NUBPL: variants seen among roughly 807,000 people sequenced by gnomAD.
NUBPL encodes the protein iron-sulfur cluster transfer protein NUBPL.
In NUBPL, 31 loss-of-function variants were observed where a neutral mutation model predicts 45.7. That is an observed-to-expected ratio of 0.68 (90% CI 0.51 to 0.92). The LOEUF (loss-of-function observed/expected upper bound fraction) is 0.92. Among genes scored for constraint, NUBPL ranks in the 40% least tolerant of loss-of-function variants. The probability of loss-of-function intolerance (pLI) is 0.00; values close to 1 mark genes in which losing one functional copy is unlikely to be tolerated. For missense variants in NUBPL, 401 were observed against 398.7 expected, an observed-to-expected ratio of 1.01 and a Z score of -0.05; for synonymous variants, 144 against 140.9, an observed-to-expected ratio of 1.02 and a Z score of -0.15.
rs116466711 is a variant in NUBPL at position 31,672,970 on chromosome 14, G to T, written c.383-385G>T. ...TCCTGGAAGGATGGACGGGCAAAGGGGAGATGTTAGTCAAGTAGTGCGAAG... is the reference window on the plus strand; with the variant it reads ...TCCTGGAAGGATGGACGGGCAAAGGTGAGATGTTAGTCAAGTAGTGCGAAG... On this transcript the variant is annotated intron_variant, in intron 4 of 10. Transcript: ENST00000281081. 1.6e-3 allele frequency among the ~76,000 whole-genome samples: 251 copies of T among 152,288 alleles called. 1 individual carries two copies. The highest frequency in any genetic ancestry group is 5.5e-3 in the African/African-American group (230 of 41,566).
intron 4 of NUBPL, among the ~76,000 whole-genome samples, chr14:31,663,993 A>G (rs1163581971): frequency 1.3e-5 from 2 of 152,014 alleles, no homozygotes; most frequent in Non-Finnish European, 2.9e-5. Flanking sequence ...TATGTTCTTT[A>G]TAGCAATTAT....
chr14:31,727,519 C>G (rs2037952254), intron 6 of NUBPL, among the ~76,000 whole-genome samples: 1 of 152,082 alleles, frequency 6.6e-6, no homozygotes, highest in African/African-American at 2.4e-5. Context: ...ATCAAAGATT[C>G]TAGAAGCAGG....
At chr14:31,621,662 T>C (rs2035066530) in intron 4 of NUBPL, among the ~76,000 whole-genome samples, 1 of 152,146 alleles carries the variant, frequency 6.6e-6, no homozygotes. Flanking sequence ...GGTACCTCAG[T>C]TGGAAATGCA....
intron 6 of NUBPL, among the ~76,000 whole-genome samples, chr14:31,721,944 G>T (rs775481949): frequency 3.9e-5 from 6 of 152,134 alleles, no homozygotes; most frequent in Non-Finnish European, 7.4e-5. Context: ...CAAAATACAT[G>T]ACCTCATTCT....
rs552109078 is a variant in NUBPL at position 31,666,438 on chromosome 14, T to C, written c.383-6917T>C. Among the ~76,000 whole-genome samples, 26 of 151,610 alleles carry C rather than the reference T, an allele frequency of 1.7e-4. No homozygotes were observed. The South Asian group carries it at 5.2e-3, about 30-fold the overall frequency. On this transcript the variant is annotated intron_variant, in intron 4 of 10. Coordinates refer to ENST00000281081, the MANE Select transcript of NUBPL (RefSeq NM_025152.3). Reference sequence around the variant, plus strand: ...CACCACCATGCCTGGCTAATTTTTATATTCTTAGTAGAGACAGGGTTTGAC... The same window carrying C: ...CACCACCATGCCTGGCTAATTTTTACATTCTTAGTAGAGACAGGGTTTGAC...
intron 6 of NUBPL, among the ~76,000 whole-genome samples, chr14:31,691,188 C>G (rs1270511278): frequency 6.6e-6 from 1 of 152,216 alleles, no homozygotes; most frequent in African/African-American, 2.4e-5. Context: ...ATTCCCACCT[C>G]TTCCTCCTTT....
chr14:31,756,964 G>T (rs1483173238), intron 6 of NUBPL, among the ~76,000 whole-genome samples: 5 of 150,084 alleles, frequency 3.3e-5, no homozygotes. Flanking sequence ...ATAATCATGT[G>T]GTTTTTGTCT....
intron 7 of NUBPL, among the ~76,000 whole-genome samples, chr14:31,813,506 G>T (rs1279225182): frequency 1.3e-5 from 2 of 148,168 alleles, no homozygotes; most frequent in South Asian, 2.2e-4. Flanking sequence ...CATATATACA[G>T]ATATATATAT....
chr14:31,632,703 T>G (rs1304807486), intron 4 of NUBPL, among the ~76,000 whole-genome samples: 5 of 152,234 alleles, frequency 3.3e-5, no homozygotes, highest in Non-Finnish European at 7.3e-5. Context: ...TATCCAGAGT[T>G]GTTTAAACTC....
At chr14:31,772,874 C>T (rs562715057) in intron 6 of NUBPL, among the ~76,000 whole-genome samples, 2 of 152,004 alleles carry the variant, frequency 1.3e-5, no homozygotes, top group African/African-American at 2.4e-5. Context: ...TCTCCCACAC[C>T]CTTTTTTCTT....
chr14:31,586,454 A>G (rs1253346658), intron 3 of NUBPL, among the ~76,000 whole-genome samples: 1 of 152,222 alleles, frequency 6.6e-6, no homozygotes, highest in Non-Finnish European at 1.5e-5. Context: ...ATAGCAAGAA[A>G]TGACAAGATA....
intron 3 of NUBPL, among the ~76,000 whole-genome samples, chr14:31,566,065 A>G (rs1431178226): frequency 6.6e-6 from 1 of 152,172 alleles, no homozygotes; most frequent in African/African-American, 2.4e-5. Flanking sequence ...ATTTTATAGA[A>G]TACAGGCAAG....
intron 7 of NUBPL, among the ~76,000 whole-genome samples, chr14:31,798,093 C>T (rs887811976): frequency 2.3e-4 from 34 of 149,172 alleles, no homozygotes; most frequent in Non-Finnish European, 4.7e-4. Context: ...AGGGTTTCTG[C>T]CGAGAGATCC....
At chr14:31,701,795 G>A (rs59679301) in intron 6 of NUBPL, among the ~76,000 whole-genome samples, 24,741 of 151,554 alleles carry the variant, frequency 0.16, 5,835 homozygotes, top group African/African-American at 0.53. Flanking sequence ...GAGGGTCCGC[G>A]GCTTCATTCT....
At chr14:31,743,789 G>A (rs1475556208) in intron 6 of NUBPL, among the ~76,000 whole-genome samples, 2 of 152,098 alleles carry the variant, frequency 1.3e-5, no homozygotes, top group African/African-American at 4.8e-5. Context: ...ACACTTTTGA[G>A]GAACTAAAGG....
intron 3 of NUBPL, among the ~76,000 whole-genome samples, chr14:31,592,385 G>C (rs1408667326): frequency 6.6e-6 from 1 of 152,144 alleles, no homozygotes; most frequent in Non-Finnish European, 1.5e-5. Flanking sequence ...AATGGGAGGA[G>C]TGGTGGCAGT....
At chr14:31,688,540 AT>A in intron 6 of NUBPL, among the ~76,000 whole-genome samples, 2 of 147,358 alleles carry the variant, frequency 1.4e-5, no homozygotes, top group Non-Finnish European at 3.0e-5. Flanking sequence ...AGATTGCGCC[AT>A]TGCACTCCAG....
intron 4 of NUBPL, among the ~76,000 whole-genome samples, chr14:31,636,895 T>G (rs537540982): frequency 6.6e-6 from 1 of 152,352 alleles, no homozygotes; most frequent in South Asian, 2.1e-4. Context: ...TTTGTAGTAT[T>G]CTCTGATGGT....
chr14:31,806,387 G>A (rs1217125538), intron 7 of NUBPL, among the ~76,000 whole-genome samples: 2 of 152,044 alleles, frequency 1.3e-5, no homozygotes, highest in African/African-American at 4.8e-5. Context: ...CTGCAGTCAT[G>A]AGCAAGCTGA....
Sources: gnomAD v4.1 joint callset for allele counts (sites outside exome capture counted in the v4.1 genomes callset) on GRCh38, gnomAD v4.1.1 for gene constraint, MANE v1.5 for transcripts, NCBI Gene and HGNC (gene_info 2026-07-23, HGNC 2026-07-21) for gene names.